The following SLC25A28 variants were observed in gnomAD, a reference collection of about 807,000 sequenced individuals.
SLC25A28 encodes the protein mitoferrin-2.
SLC25A28 carries 10 observed loss-of-function variants against 31.9 expected under a neutral mutation model. That is an observed-to-expected ratio of 0.31 (90% CI 0.19 to 0.53). The LOEUF (loss-of-function observed/expected upper bound fraction) is 0.53, where lower values mean the gene tolerates loss of function less well. Among genes scored for constraint, SLC25A28 ranks in the 20% least tolerant of loss-of-function variants. The probability of loss-of-function intolerance (pLI) is 0.95; values close to 1 mark genes in which losing one functional copy is unlikely to be tolerated. For synonymous variants in SLC25A28, 208 were observed against 203.6 expected, an observed-to-expected ratio of 1.02 and a Z score of -0.19; for missense variants, 256 against 490.3, an observed-to-expected ratio of 0.52 and a Z score of 4.51.
the SLC25A28 span, among the ~76,000 whole-genome samples, chr10:99,645,418 C>G: frequency 6.6e-6 from 1 of 152,172 alleles, no homozygotes; most frequent in African/African-American, 2.4e-5. Flanking sequence ...CATTTAAGGT[C>G]TTCTCTATGC....
chr10:99,623,133 G>C (rs1019072796), upstream of SLC25A28, among the ~76,000 whole-genome samples: 1 of 152,198 alleles, frequency 6.6e-6, no homozygotes, highest in African/African-American at 2.4e-5. Context: ...AGCCAGTCAT[G>C]ACAGACTTGG....
At chr10:99,612,794 G>T (rs2034560873) in intron 2 of SLC25A28, 195 bp from the exon 3 acceptor site, 2 of 632,818 alleles carry the variant, frequency 3.2e-6, no homozygotes, top group South Asian at 3.7e-5. Flanking sequence ...CACCAACTTT[G>T]TAAGGTCACT....
chr10:99,627,616 A>G, the SLC25A28 span, among the ~76,000 whole-genome samples: 1 of 151,758 alleles, frequency 6.6e-6, no homozygotes, highest in East Asian at 1.9e-4. Context: ...AATTTTTTTG[A>G]ATTTTAGTAG....
rs369866419 is a variant in SLC25A28, at chr10:99,613,784, G to C, written c.432C>G (p.Ala144=). The part of the protein sequence containing the change: ...LNVTATGAGP[A]HALYFACYEK... The stretch of plus-strand genomic sequence containing the variant: ...CGTAGCAGGCAAAATAAAGGGCGTG[G>C]GCAGGCCCTGCGCCTGTTGCTGTGA... Residue 144 remains alanine (A), a synonymous_variant, in exon 2 of 4, where the codon GCC becomes GCG. Coordinates refer to ENST00000370495, the MANE Select transcript of SLC25A28 (RefSeq NM_031212.4). The surrounding 1 kb of genome is among the most constrained non-coding windows in gnomAD (Gnocchi z 4.9). 3 of 1,614,206 alleles carry C rather than the reference G, an allele frequency of 1.9e-6. No individual in the cohort carries two copies. The highest frequency in any genetic ancestry group is 4.5e-5 in the East Asian group (2 of 44,882).
At chr10:99,647,396 A>G in the SLC25A28 span, among the ~76,000 whole-genome samples, 3 of 152,128 alleles carry the variant, frequency 2.0e-5, no homozygotes, top group African/African-American at 4.8e-5. Context: ...TTTCAGTTGC[A>G]TTTCTCTGAT....
At chr10:99,638,386 A>T in the SLC25A28 span, among the ~76,000 whole-genome samples, 17 of 152,238 alleles carry the variant, frequency 1.1e-4, no homozygotes, top group Non-Finnish European at 1.0e-4. Context: ...TTAGGCAAGG[A>T]TTTCATGACA....
At chr10:99,619,334 T>C in intron 1 of SLC25A28, 5 of 985,456 alleles carry the variant, frequency 5.1e-6, no homozygotes, top group Non-Finnish European at 6.0e-6. Context: ...ATCAGTTTCA[T>C]CTCTCTTGTT....
At chr10:99,631,926 G>A in the SLC25A28 span, among the ~76,000 whole-genome samples, 5 of 105,896 alleles carry the variant, frequency 4.7e-5, no homozygotes, top group African/African-American at 1.9e-4. Context: ...GTCTCGCTCT[G>A]TCGCCCAGGC....
chr10:99,620,455 C>T (rs2034765780), upstream of SLC25A28: 18 of 1,047,294 alleles, frequency 1.7e-5, no homozygotes, highest in Admixed American at 5.5e-5. Flanking sequence ...CTCCGGCTCC[C>T]GCTTGGCCCC....
rs1589994445 is a variant in SLC25A28 at position 99,613,934 on chromosome 10, C to T, written c.292-10G>A. 2.5e-6 allele frequency: 4 copies of T among 1,590,772 alleles called. No homozygotes were observed. The East Asian group carries it at 9.0e-5, about 36-fold the overall frequency. ...GACTCTGCATCCGGGTCTGAAATTA[C>T]AGCAAGGAGAAGCGCAATGTCAGCA... On this transcript the variant is annotated splice_polypyrimidine_tract_variant and intron_variant, in intron 1 of 3. Coordinates refer to ENST00000370495, the MANE Select transcript of SLC25A28 (RefSeq NM_031212.4). This position sits in a 1 kb window ranked among gnomAD's most constrained non-coding sequence, Gnocchi z 4.9.
chr10:99,612,671 A>G (rs745890912), intron 2 of SLC25A28, 72 bp from the exon 3 acceptor site: 4 of 1,533,456 alleles, frequency 2.6e-6, no homozygotes, highest in South Asian at 2.2e-5. Flanking sequence ...CCCCCAGTGA[A>G]GGGGAGTGGC....
At position 99,613,333 on chromosome 10, in the gene SLC25A28, G is replaced by T; in HGVS notation, c.520+363C>A. The T allele has an allele frequency of 9.1e-7, 1 of 1,093,344 alleles. No homozygotes were observed. The highest frequency in any genetic ancestry group is 1.1e-6 in the Non-Finnish European group (1 of 889,090). The allele number at this position is 1,093,344 out of a possible 1,614,324, so 67.7% of individuals were successfully genotyped here. A position where few individuals can be genotyped will look rare whatever the true frequency, so the allele number is the denominator to read the frequency against. On this transcript the variant is annotated intron_variant, in intron 2 of 3. Coordinates refer to ENST00000370495, the MANE Select transcript of SLC25A28 (RefSeq NM_031212.4). The surrounding 1 kb of genome is among the most constrained non-coding windows in gnomAD (Gnocchi z 4.9). ...TCTTCCTTGGGTGGCTGGCTGGGTC[G>T]CCTCCAATCCTGCCCTAAGGAGCAG...
the SLC25A28 span, among the ~76,000 whole-genome samples, chr10:99,658,906 G>A: frequency 6.6e-6 from 1 of 152,184 alleles, no homozygotes; most frequent in South Asian, 2.1e-4. Flanking sequence ...ACTGGCATAA[G>A]CAGACATTCA....
the SLC25A28 span, among the ~76,000 whole-genome samples, chr10:99,632,886 G>A: frequency 6.6e-6 from 1 of 152,078 alleles, no homozygotes; most frequent in Non-Finnish European, 1.5e-5. Flanking sequence ...ATAAATAGTA[G>A]ACCAAATTCT....
At chr10:99,615,520 C>G in intron 1 of SLC25A28, 2 of 985,394 alleles carry the variant, frequency 2.0e-6, no homozygotes, top group Non-Finnish European at 2.4e-6. Flanking sequence ...CTGCCTGCTA[C>G]CAACAAAAAA....
At chr10:99,658,769 G>A in the SLC25A28 span, among the ~76,000 whole-genome samples, 1 of 152,134 alleles carries the variant, frequency 6.6e-6, no homozygotes. Context: ...ACTTTATGCC[G>A]TCCTCCTGGA....
upstream of SLC25A28, chr10:99,622,726 A>T (rs980596924): frequency 1.1e-5 from 11 of 984,874 alleles, no homozygotes; most frequent in African/African-American, 1.7e-4. Context: ...AACATCCCTA[A>T]ACGTTTAATG....
chr10:99,650,709 C>T, the SLC25A28 span, among the ~76,000 whole-genome samples: 1 of 152,192 alleles, frequency 6.6e-6, no homozygotes, highest in East Asian at 1.9e-4. Context: ...CCTGGTTTCC[C>T]TGATCCTCCT....
the SLC25A28 span, among the ~76,000 whole-genome samples, chr10:99,627,050 G>A: frequency 5.9e-5 from 9 of 152,072 alleles, no homozygotes; most frequent in Admixed American, 3.9e-4. Flanking sequence ...AGACCAGCCT[G>A]GCCAACATAG....
Sources: gnomAD v4.1 joint callset for allele counts (sites outside exome capture counted in the v4.1 genomes callset) on GRCh38, gnomAD v4.1.1 for gene constraint, Gnocchi (gnomAD v3.1) non-coding constraint, MANE v1.5 for transcripts, NCBI Gene and HGNC (gene_info 2026-07-23, HGNC 2026-07-21) for gene names.